The following ULK1 variants were observed in gnomAD, a reference collection of about 807,000 sequenced individuals.
ULK1 encodes serine/threonine-protein kinase ULK1.
ULK1 carries 48 observed loss-of-function variants against 117.5 expected under a neutral mutation model. That is an observed-to-expected ratio of 0.41 (90% CI 0.32 to 0.52). The LOEUF (loss-of-function observed/expected upper bound fraction) is 0.52, where lower values mean the gene tolerates loss of function less well. Ranked by LOEUF, ULK1 falls within the 20% of genes least tolerant of loss-of-function variation. ULK1 has a pLI of 0.29. For missense variants in ULK1, 1,387 were observed against 1,473.4 expected (o/e 0.94, Z 0.96); for synonymous variants, 790 against 637.8 (o/e 1.24, Z -3.60).
At chr12:131,916,305 G>A in intron 19 of ULK1, 93 bp from the exon 20 acceptor site, 1 of 1,516,114 alleles carries the variant, frequency 6.6e-7, no homozygotes, top group Non-Finnish European at 8.9e-7. Context: ...CCACATGCCT[G>A]CCAGTTCCTG....
rs1292352604 is a variant in ULK1 at position 131,903,756 on chromosome 12, G to C, written c.247-3136G>C. On this transcript the variant is annotated intron_variant, in intron 3 of 27. Transcript: ENST00000321867. This position sits in a 1 kb window ranked among gnomAD's most constrained non-coding sequence, Gnocchi z 6.0. Reference sequence around the variant, plus strand: ...GGGCCAGGCCTTGGTTTCTGCAAGGGACCATTTGAAGTGCAGGGAAGAGGC... The same window carrying C: ...GGGCCAGGCCTTGGTTTCTGCAAGGCACCATTTGAAGTGCAGGGAAGAGGC... Among the ~76,000 whole-genome samples the C allele has an allele frequency of 1.3e-5, 2 of 152,152 alleles. No homozygotes were observed. Among genetic ancestry groups the C allele is most frequent in the Non-Finnish European group, 2.9e-5 (2 of 68,020 alleles).
intron 3 of ULK1, among the ~76,000 whole-genome samples, chr12:131,905,013 G>A (rs889561564): frequency 6.6e-6 from 1 of 152,150 alleles, no homozygotes. Context: ...GGGCAGGCAG[G>A]TGAGGCCAGG....
In ULK1 at chr12:131,921,328, ACT is replaced by A; in HGVS notation, c.3124_3125del (p.Ser1042GlyfsTer41). ...TKCKLCIERR[L>X]SALLTGICA Reference sequence around the variant, plus strand: ...CAGGCAAGCTGTGCATTGAGCGGAGACTCTCGGCGCTGCTGACTGGCATCTGT... The same window carrying A: ...CAGGCAAGCTGTGCATTGAGCGGAGACTCGGCGCTGCTGACTGGCATCTGT... On this transcript the variant is annotated frameshift_variant, in exon 28 of 28. Transcript: ENST00000321867. LOFTEE classifies it high-confidence loss of function. 1.2e-6 allele frequency: 2 copies of A among 1,605,384 alleles called. No individual in the cohort carries two copies. The highest frequency in any genetic ancestry group is 1.7e-6 in the Non-Finnish European group (2 of 1,179,680).
chr12:131,907,707 TC>T (rs1380772838), intron 5 of ULK1, among the ~76,000 whole-genome samples, 176 bp downstream of exon 5: 1 of 152,122 alleles, frequency 6.6e-6, no homozygotes, highest in African/African-American at 2.4e-5. Flanking sequence ...GCTGAGCTGC[TC>T]CCGGCTGTTA....
At chr12:131,907,285 T>G (rs1385476369) in intron 4 of ULK1, among the ~76,000 whole-genome samples, 1 of 152,182 alleles carries the variant, frequency 6.6e-6, no homozygotes, top group East Asian at 1.9e-4. Flanking sequence ...CCTCCCAAAG[T>G]GCTCGGATTA....
rs989061326 is a variant in ULK1, at chr12:131,895,526, A to G, written c.112-75A>G. 10 of 1,273,622 alleles carry G rather than the reference A, an allele frequency of 7.9e-6. No individual in the cohort carries two copies. The East Asian group carries it at 9.5e-5, about 12-fold the overall frequency. 78.9% of individuals were successfully genotyped at this position (1,273,622 alleles called of 1,614,324 possible). On this transcript the variant is annotated intron_variant, in intron 1 of 27. Transcript: ENST00000321867. The stretch of plus-strand genomic sequence containing the variant: ...CCAACCGGGATCATCTCAGGGCCCC[A>G]CCTGTGTGGACTGGGGTCTGGGGGA...
intron 23 of ULK1, 101 bp from the exon 24 acceptor site, chr12:131,919,111 C>T: frequency 7.2e-7 from 1 of 1,386,708 alleles, no homozygotes; most frequent in Non-Finnish European, 9.6e-7. Flanking sequence ...GGGGAGGGTA[C>T]CCTGCCCTGC....
intron 22 of ULK1, 72 bp from the exon 23 acceptor site, chr12:131,918,425 G>C: frequency 6.6e-7 from 1 of 1,511,456 alleles, no homozygotes; most frequent in Non-Finnish European, 8.9e-7. Context: ...AGGTGTGGGA[G>C]TCTGTGGGGG....
At chr12:131,911,746 C>A (rs1165743085) in intron 12 of ULK1, among the ~76,000 whole-genome samples, 196 bp from the exon 13 acceptor site, 1 of 152,174 alleles carries the variant, frequency 6.6e-6, no homozygotes, top group African/African-American at 2.4e-5. Context: ...CCTGCGAGGT[C>A]AAAGCTGGCC....
rs1036698043 is a variant in ULK1 at position 131,915,048 on chromosome 12, G to A, written c.1374-35G>A. 13 of 1,517,978 alleles carry A rather than the reference G, an allele frequency of 8.6e-6. No individual in the cohort carries two copies. In the African/African-American group the frequency reaches 1.7e-4, roughly 20 times the overall value. 94.0% of individuals were successfully genotyped at this position (1,517,978 alleles called of 1,614,324 possible). ...CGTCCACAGGTCAGGCAGGGCTGCTGAGGCCTCCCCTCCTAATATCTGCCT... is the reference window on the plus strand; with the variant it reads ...CGTCCACAGGTCAGGCAGGGCTGCTAAGGCCTCCCCTCCTAATATCTGCCT... On this transcript the variant is annotated intron_variant, in intron 16 of 27. Coordinates refer to ENST00000321867, the MANE Select transcript of ULK1 (RefSeq NM_003565.4).
rs1198883882 is a variant in ULK1 at position 131,902,961 on chromosome 12, G to T, written c.247-3931G>T. Among the ~76,000 whole-genome samples the T allele has an allele frequency of 3.3e-5, 5 of 152,078 alleles. No homozygotes were observed. Among genetic ancestry groups the T allele is most frequent in the Admixed American group, 2.6e-4 (4 of 15,268 alleles). On this transcript the variant is annotated intron_variant, in intron 3 of 27. Transcript: ENST00000321867. The surrounding 1 kb of genome is among the most constrained non-coding windows in gnomAD (Gnocchi z 6.3). ...AACCAAATGTAGCTGCGAGGCAGACGTGGAGCCCGATGCCCTGTGTGGGTT... is the reference window on the plus strand; with the variant it reads ...AACCAAATGTAGCTGCGAGGCAGACTTGGAGCCCGATGCCCTGTGTGGGTT...
At chr12:131,906,629 T>C (rs1475295073) in intron 3 of ULK1, 2 of 556,268 alleles carry the variant, frequency 3.6e-6, no homozygotes, top group Non-Finnish European at 6.4e-6. Context: ...CTAGGGGGTA[T>C]GTCCTCTGCC....
At position 131,914,385 on chromosome 12, in the gene ULK1, C is replaced by G; in HGVS notation, c.1281C>G (p.Gly427=). ...RAGPFSSSRC[G]ASVPIPVPTQ... ...GCCCGTTCTCCAGCAGCAGGTGCGG[C>G]GCCTCTGTCCCCATCCCAGTCCCCA... is the stretch of plus-strand genomic sequence containing the variant. The change falls in exon 16 of 28, where the codon GGC becomes GGG. Residue 427 remains glycine (G), a synonymous_variant. Coordinates refer to ENST00000321867, the MANE Select transcript of ULK1 (RefSeq NM_003565.4). 1.2e-6 allele frequency: 2 copies of G among 1,612,294 alleles called. No homozygotes were observed. Among genetic ancestry groups the G allele is most frequent in the Non-Finnish European group, 1.7e-6 (2 of 1,179,958 alleles).
Position 131,920,112 on chromosome 12 carries a change from C to G in ULK1, c.2937C>G (p.Leu979=). Residue 979 remains leucine (L), a synonymous_variant, in exon 26 of 28, where the codon CTC becomes CTG. Coordinates refer to ENST00000321867, the MANE Select transcript of ULK1 (RefSeq NM_003565.4). ...DRIHSITAER[L]IFSHAVQMVQ... ...TTCACAGCATCACTGCCGAGAGGCT[C>G]ATCTTCAGCCACGCTGTGCAGATGG... The G allele has an allele frequency of 6.2e-7, 1 of 1,612,816 alleles. No homozygotes were observed. Among genetic ancestry groups the G allele is most frequent in the Non-Finnish European group, 8.5e-7 (1 of 1,179,932 alleles).
At chr12:131,897,496 C>T (rs1300902073) in intron 3 of ULK1, 2 of 152,304 alleles carry the variant, frequency 1.3e-5, no homozygotes, top group African/African-American at 4.8e-5. Context: ...CCGCCACACC[C>T]ACCTCTCTGC....
chr12:131,914,570 C>G, intron 16 of ULK1, 93 bp downstream of exon 16: 1 of 1,492,640 alleles, frequency 6.7e-7, no homozygotes, highest in South Asian at 1.3e-5. Flanking sequence ...GGGTCGTCAT[C>G]CATGTGCAGT....
At chr12:131,912,174 C>A in intron 13 of ULK1, 85 bp downstream of exon 13, 1 of 1,504,914 alleles carries the variant, frequency 6.6e-7, no homozygotes, top group Non-Finnish European at 8.9e-7. Flanking sequence ...CAGTGTGTAA[C>A]ACATTTCCAC....
chr12:131,917,481 G>A lies in ULK1; in HGVS notation c.2253G>A (p.Pro751=), dbSNP rs55770096. 0.036 allele frequency: 54,081 copies of A among 1,507,958 alleles called. 1,145 individuals are homozygous for A. The highest frequency in any genetic ancestry group is 0.071 in the Middle Eastern group (384 of 5,406). The allele number at this position is 1,507,958 out of a possible 1,614,324, so 93.4% of individuals were successfully genotyped here. A position where few individuals can be genotyped will look rare whatever the true frequency, so the allele number is the denominator to read the frequency against. Reference sequence around the variant, plus strand: ...CTGGGGGCACCAGCAGCCCTTCCCCGGTGGTCTTCACCGTGGGCTCTCCCC... The same window carrying A: ...CTGGGGGCACCAGCAGCCCTTCCCCAGTGGTCTTCACCGTGGGCTCTCCCC... ...ARAGGTSSPS[P]VVFTVGSPPS... Residue 751 remains proline (P), a synonymous_variant, in exon 22 of 28, where the codon CCG becomes CCA. Transcript: ENST00000321867.
chr12:131,907,032 T>A, intron 4 of ULK1, 108 bp downstream of exon 4: 1 of 1,473,016 alleles, frequency 6.8e-7, no homozygotes, highest in Non-Finnish European at 9.4e-7. Context: ...CTTTTCTTTT[T>A]TTTTGAGATG....
Sources: gnomAD v4.1 joint callset for allele counts (sites outside exome capture counted in the v4.1 genomes callset) on GRCh38, gnomAD v4.1.1 for gene constraint, Gnocchi (gnomAD v3.1) non-coding constraint, MANE v1.5 for transcripts, NCBI Gene and HGNC (gene_info 2026-07-23, HGNC 2026-07-21) for gene names.